The following ZNF280D variants were observed in gnomAD, a reference collection of about 807,000 sequenced individuals.
The protein encoded by ZNF280D is suppressor of hairy wing homolog 4.
ZNF280D carries 39 observed loss-of-function variants against 94.7 expected under a neutral mutation model. The observed-to-expected ratio is 0.41, with a 90% confidence interval of 0.32 to 0.54. The LOEUF (loss-of-function observed/expected upper bound fraction) is 0.54. Ranked by LOEUF, ZNF280D falls within the 20% of genes least tolerant of loss-of-function variation. ZNF280D has a pLI of 0.22. For missense variants in ZNF280D, 1,090 were observed against 1,149.3 expected, an observed-to-expected ratio of 0.95 and a Z score of 0.75; for synonymous variants, 398 against 377.6, an observed-to-expected ratio of 1.05 and a Z score of -0.63.
chr15:56,713,376 GT>G (rs1193120667), intron 1 of ZNF280D, among the ~76,000 whole-genome samples: 1 of 152,096 alleles, frequency 6.6e-6, no homozygotes, highest in African/African-American at 2.4e-5. Flanking sequence ...CTTAAAACGA[GT>G]TTTTCAGTGG....
At chr15:56,637,947 C>T (rs1240253606) in intron 20 of ZNF280D, among the ~76,000 whole-genome samples, 1 of 152,080 alleles carries the variant, frequency 6.6e-6, no homozygotes, top group Admixed American at 6.6e-5. Flanking sequence ...CCATTGCCTA[C>T]TGAAAATATT....
chr15:56,724,889 A>T, intron 1 of ZNF280D: 1 of 453,138 alleles, frequency 2.2e-6, no homozygotes. Context: ...TTTTTTTCTC[A>T]TGGAATGTAA....
chr15:56,705,867 T>C (rs558457157), intron 3 of ZNF280D, among the ~76,000 whole-genome samples: 1 of 152,006 alleles, frequency 6.6e-6, no homozygotes, highest in African/African-American at 2.4e-5. Context: ...TAATAATCTA[T>C]GGACTAGGCG....
chr15:56,706,024 T>C (rs960927354), intron 3 of ZNF280D, among the ~76,000 whole-genome samples: 5 of 147,660 alleles, frequency 3.4e-5, no homozygotes, highest in African/African-American at 7.5e-5. Flanking sequence ...CTCACCACCA[T>C]AGAATGTGAC....
chr15:56,660,294 T>G (rs2053844673), intron 16 of ZNF280D, among the ~76,000 whole-genome samples: 1 of 152,192 alleles, frequency 6.6e-6, no homozygotes, highest in Non-Finnish European at 1.5e-5. Flanking sequence ...GCAGGCTATT[T>G]ATGGTTTATT....
chr15:56,650,380 A>G (rs1243623054), intron 19 of ZNF280D, among the ~76,000 whole-genome samples: 1 of 152,174 alleles, frequency 6.6e-6, no homozygotes, highest in African/African-American at 2.4e-5. Context: ...TCTTCAAAAC[A>G]AAGATATTTT....
intron 1 of ZNF280D, among the ~76,000 whole-genome samples, chr15:56,709,997 T>TA (rs60471820): frequency 0.012 from 1,894 of 152,264 alleles, 38 homozygotes; most frequent in African/African-American, 0.044. Context: ...CCCTAGAACT[T>TA]AAAGTATAAT....
intron 9 of ZNF280D, among the ~76,000 whole-genome samples, chr15:56,686,042 A>C (rs1261351166): frequency 1.3e-5 from 2 of 152,246 alleles, no homozygotes; most frequent in African/African-American, 4.8e-5. Context: ...AGGGGTTGTG[A>C]GTCTAACATC....
chr15:56,690,792 C>A (rs1164058104), intron 7 of ZNF280D, among the ~76,000 whole-genome samples: 2 of 152,036 alleles, frequency 1.3e-5, no homozygotes, highest in Admixed American at 1.3e-4. Context: ...CACAATTGTA[C>A]ATTAAAAGTA....
rs1269635848 is a variant in ZNF280D at position 56,678,750 on chromosome 15, G to C, written c.1076C>G (p.Thr359Ser). Reference protein sequence around the residue: ...QSSESWENHTTCQHCYRQFPT... With the variant: ...QSSESWENHTSCQHCYRQFPT... ...AAACTGACGGTAGCAGTGCTGGCAG[G>C]TGGTATGGTTTTCCCAGCTCTCACT... is the stretch of plus-strand genomic sequence containing the variant. The change falls in exon 11 of 22, where the codon ACC becomes AGC. Residue 359 changes from threonine (T) to serine (S), a missense_variant. This residue lies in a region of ZNF280D where 127 missense variants were observed against 208.6 expected (regional missense o/e 0.61). Transcript: ENST00000267807. 1 of 1,613,230 alleles carries C rather than the reference G, an allele frequency of 6.2e-7. No homozygotes were observed. Among genetic ancestry groups the C allele is most frequent in the Non-Finnish European group, 8.5e-7 (1 of 1,179,508 alleles).
At position 56,716,680 on chromosome 15, in the gene ZNF280D, A is replaced by C. The variant is rs557357228; in HGVS notation, c.-85-9374T>G. On this transcript the variant is annotated intron_variant, in intron 1 of 21. Transcript: ENST00000267807. The stretch of plus-strand genomic sequence containing the variant: ...GGGACTGATGTCAGATTTGTGACAC[A>C]GTGTCAAAATAACAGAATTTGAGTA... 3.3e-5 allele frequency among the ~76,000 whole-genome samples: 5 copies of C among 152,236 alleles called. No homozygotes were observed. In the East Asian group the frequency reaches 9.6e-4, roughly 29 times the overall value.
At chr15:56,718,362 AG>A (rs1231330483) in intron 1 of ZNF280D, among the ~76,000 whole-genome samples, 1 of 152,212 alleles carries the variant, frequency 6.6e-6, no homozygotes, top group East Asian at 1.9e-4. Context: ...ATTTTAATAA[AG>A]ATGTTTGAGG....
intron 1 of ZNF280D, among the ~76,000 whole-genome samples, chr15:56,731,638 C>G (rs1382322791): frequency 6.6e-6 from 1 of 151,024 alleles, no homozygotes; most frequent in South Asian, 2.1e-4. Flanking sequence ...GGTATTGTTA[C>G]ACAGAAAAAT....
chr15:56,726,106 GA>G (rs1171143084), intron 1 of ZNF280D, among the ~76,000 whole-genome samples: 4 of 148,062 alleles, frequency 2.7e-5, no homozygotes, highest in Admixed American at 1.3e-4. Context: ...AAAGGTTTAA[GA>G]AAAAAAAACT....
At chr15:56,711,484 G>A (rs1459654217) in intron 1 of ZNF280D, among the ~76,000 whole-genome samples, 1 of 152,016 alleles carries the variant, frequency 6.6e-6, no homozygotes, top group African/African-American at 2.4e-5. Context: ...GGCCAACATG[G>A]TGAAACCGGG....
chr15:56,732,501 CT>C (rs1265609355), intron 1 of ZNF280D: 1 of 152,124 alleles, frequency 6.6e-6, no homozygotes, highest in Admixed American at 6.5e-5. Context: ...AGCTTTTGTG[CT>C]TTAAAACTGT....
chr15:56,659,953 G>C (rs976508247), intron 16 of ZNF280D, among the ~76,000 whole-genome samples: 16 of 151,820 alleles, frequency 1.1e-4, no homozygotes, highest in African/African-American at 3.9e-4. Context: ...ACTATCTGCA[G>C]CTTTCCTTCA....
intron 17 of ZNF280D, among the ~76,000 whole-genome samples, chr15:56,657,419 T>C (rs2053619308): frequency 6.6e-6 from 1 of 152,300 alleles, no homozygotes; most frequent in Admixed American, 6.5e-5. Context: ...ATAGCTTAGC[T>C]ATCTTTTTAA....
intron 1 of ZNF280D, among the ~76,000 whole-genome samples, chr15:56,714,987 G>C (rs2057962397): frequency 2.0e-5 from 3 of 152,046 alleles, no homozygotes; most frequent in South Asian, 4.1e-4. Context: ...TTATAAAAGA[G>C]GATATGGTTG....
Sources: allele counts gnomAD v4.1 joint callset (sites outside exome capture counted in the v4.1 genomes callset), GRCh38; gene constraint gnomAD v4.1.1; regional missense constraint gnomAD v4.1.1; transcripts MANE v1.5; gene names NCBI Gene and HGNC (gene_info 2026-07-23, HGNC 2026-07-21).